Variants in SZT2 observed in about 807,000 individuals in gnomAD.
The protein encoded by SZT2 is KICSTOR complex protein SZT2.
In SZT2, 216 loss-of-function variants were observed where a neutral mutation model predicts 404.2. The ratio of observed to expected loss-of-function variants is 0.53; its 90% CI spans 0.48 to 0.60. SZT2 has a LOEUF of 0.60. Among genes scored for constraint, SZT2 ranks in the 20% least tolerant of loss-of-function variants. The probability of loss-of-function intolerance (pLI) is 0.00; values close to 1 mark genes in which losing one functional copy is unlikely to be tolerated. For missense variants in SZT2, 3,857 were observed against 4,459.2 expected (o/e 0.86, Z 3.85); for synonymous variants, 1,693 against 1,749.9 (o/e 0.97, Z 0.81).
intron 46 of SZT2, chr1:43,438,268 G>A (rs1654677709): frequency 2.8e-6 from 1 of 352,398 alleles, no homozygotes; most frequent in South Asian, 2.7e-5. Flanking sequence ...TGGTGCCACC[G>A]ACCTGATACC....
intron 62 of SZT2, among the ~76,000 whole-genome samples, chr1:43,444,130 T>C (rs1359773685): frequency 6.6e-6 from 1 of 152,230 alleles, no homozygotes; most frequent in African/African-American, 2.4e-5. Flanking sequence ...GGAATCTCAC[T>C]GTGTCGCCTA....
At chr1:43,407,143 A>G (rs1650411107) in intron 4 of SZT2, among the ~76,000 whole-genome samples, 1 of 152,184 alleles carries the variant, frequency 6.6e-6, no homozygotes, top group South Asian at 2.1e-4. Flanking sequence ...AGAGGATTTC[A>G]TCAGTTAAGC....
At chr1:43,419,362 T>G (rs141055132) in intron 7 of SZT2, among the ~76,000 whole-genome samples, 10 of 152,352 alleles carry the variant, frequency 6.6e-5, no homozygotes, top group East Asian at 1.9e-4. Flanking sequence ...ACCTACTGCA[T>G]TTTAACAAAA....
chr1:43,434,277 T>G, intron 40 of SZT2, 109 bp from the exon 41 acceptor site: 1 of 951,036 alleles, frequency 1.1e-6, no homozygotes. Context: ...TCCATGACTT[T>G]CTCTCCCCCT....
rs75523838 is a variant in SZT2, at chr1:43,423,053, C to T, written c.2038-46C>T. 9,333 of 1,541,036 alleles carry T rather than the reference C, an allele frequency of 6.1e-3. 352 individuals are homozygous for T. The East Asian group carries it at 0.098, about 16-fold the overall frequency. On this transcript the variant is annotated intron_variant, in intron 14 of 71. Transcript: ENST00000634258. ...TGTCTGTGAGCCCCTTCTCCCAGAC[C>T]TGTAGGAGATGGGAGTAAGAGGATG... is the stretch of plus-strand genomic sequence containing the variant.
chr1:43,425,669 A>G lies in SZT2; in HGVS notation c.2814+27A>G, dbSNP rs371872738. On this transcript the variant is annotated intron_variant, in intron 19 of 71. Coordinates refer to ENST00000634258, the MANE Select transcript of SZT2 (RefSeq NM_001365999.1). The surrounding 1 kb of genome is among the most constrained non-coding windows in gnomAD (Gnocchi z 4.3). ...TGAGTGTCCTCAGAACAGTACCCGCACCTCTCTCACTGGATTGGGGTGCCA... is the reference window on the plus strand; with the variant it reads ...TGAGTGTCCTCAGAACAGTACCCGCGCCTCTCTCACTGGATTGGGGTGCCA... The G allele has an allele frequency of 3.7e-6, 6 of 1,610,944 alleles. No individual in the cohort carries two copies. The highest frequency in any genetic ancestry group is 3.3e-5 in the Admixed American group (2 of 59,904).
chr1:43,436,444 G>C (rs1244036252), intron 42 of SZT2: 1 of 152,218 alleles, frequency 6.6e-6, no homozygotes, highest in Non-Finnish European at 1.5e-5. Context: ...TCAGAACCCA[G>C]ACACAGCCCT....
At chr1:43,429,586 G>T (rs1653605753) in intron 28 of SZT2, 117 bp from the exon 29 acceptor site, 2 of 1,311,738 alleles carry the variant, frequency 1.5e-6, no homozygotes, top group African/African-American at 2.9e-5. Context: ...ATGCCATTAC[G>T]CTAAGTACTC....
At chr1:43,416,178 C>T (rs1161521597) in intron 6 of SZT2, 77 bp downstream of exon 6, 3 of 1,531,812 alleles carry the variant, frequency 2.0e-6, no homozygotes, top group Non-Finnish European at 2.6e-6. Context: ...ACAAAGATAG[C>T]AGTTCCAGGG....
rs942996049 is a variant in SZT2 at position 43,441,799 on chromosome 1, C to A, written c.7723C>A (p.Arg2575Ser). ...VTSMAGDTSV[R>S]IFEQHLGSEP... Reference sequence around the variant, plus strand: ...CTCAATGGCTGGAGACACCAGTGTCCGCATCTTTGAGCAGCATTTGTGAGT... The same window carrying A: ...CTCAATGGCTGGAGACACCAGTGTCAGCATCTTTGAGCAGCATTTGTGAGT... Residue 2575 changes from arginine to serine, a missense_variant, in exon 55 of 72, where the codon CGC becomes AGC. Arg to Ser is a moderately radical substitution (Grantham distance 110, BLOSUM62 -1). Transcript: ENST00000634258. The surrounding 1 kb of genome is among the most constrained non-coding windows in gnomAD (Gnocchi z 4.8). 1.2e-6 allele frequency: 2 copies of A among 1,614,018 alleles called. No homozygotes were observed. Among genetic ancestry groups the A allele is most frequent in the Non-Finnish European group, 1.7e-6 (2 of 1,180,034 alleles).
intron 4 of SZT2, among the ~76,000 whole-genome samples, chr1:43,411,527 T>C (rs1432774779): frequency 2.0e-5 from 3 of 152,118 alleles, no homozygotes; most frequent in Non-Finnish European, 4.4e-5. Context: ...CTGAACACCC[T>C]CCTCCCTGGG....
chr1:43,399,449 C>T (rs1355650701), intron 1 of SZT2, among the ~76,000 whole-genome samples: 2 of 151,052 alleles, frequency 1.3e-5, no homozygotes, highest in Non-Finnish European at 2.9e-5. Context: ...TTCTAAATCA[C>T]ACAGTAGCCA....
chr1:43,425,901 CAG>C lies in SZT2; in HGVS notation c.2884_2885del (p.Ser962GlnfsTer14). On this transcript the variant is annotated frameshift_variant, in exon 20 of 72. Coordinates refer to ENST00000634258, the MANE Select transcript of SZT2 (RefSeq NM_001365999.1). LOFTEE classifies it high-confidence loss of function. This position sits in a 1 kb window ranked among gnomAD's most constrained non-coding sequence, Gnocchi z 4.3. Reference sequence around the variant, plus strand: ...CTTTGAATACCTGATACAGCTGTGTCAGAGCAAGGAATGGGGTCCTCTGCCCC... The same window carrying C: ...CTTTGAATACCTGATACAGCTGTGTCAGCAAGGAATGGGGTCCTCTGCCCC... Reference protein sequence around the residue: ...LSFEYLIQLCQSKEWGPLPPE... With the variant: ...LSFEYLIQLCXSKEWGPLPPE... 6.2e-7 allele frequency: 1 copy of C among 1,614,130 alleles called. No homozygotes were observed. Among genetic ancestry groups the C allele is most frequent in the Non-Finnish European group, 8.5e-7 (1 of 1,180,010 alleles).
Position 43,426,249 on chromosome 1 carries a change from T to G in SZT2, c.3043+98T>G. ...ACAGATGGGTCAGCAAGTGAGCAGA[T>G]GAGTGGTGGGGGCAGGAGGAGCCCA... On this transcript the variant is annotated intron_variant, in intron 21 of 71. Coordinates refer to ENST00000634258, the MANE Select transcript of SZT2 (RefSeq NM_001365999.1). The surrounding 1 kb of genome is among the most constrained non-coding windows in gnomAD (Gnocchi z 4.9). The G allele has an allele frequency of 1.3e-6, 2 of 1,502,988 alleles. No homozygotes were observed. The highest frequency in any genetic ancestry group is 4.9e-5 in the East Asian group (2 of 41,026). The allele number at this position is 1,502,988 out of a possible 1,614,324, so 93.1% of individuals were successfully genotyped here. A position where few individuals can be genotyped will look rare whatever the true frequency, so the allele number is the denominator to read the frequency against.
In SZT2 at chr1:43,443,540, A is replaced by G; in HGVS notation, c.8626-57A>G. On this transcript the variant is annotated intron_variant, in intron 61 of 71. Transcript: ENST00000634258. ...TACCCCACAGTGACCCCCCTCCTCC[A>G]TCCCCAGCAGGATGGTTGACAGTGG... is the stretch of plus-strand genomic sequence containing the variant. The G allele has an allele frequency of 1.9e-6, 3 of 1,611,248 alleles. No homozygotes were observed. In the South Asian group the frequency reaches 3.3e-5, roughly 18 times the overall value.
rs200409648 is a variant in SZT2 at position 43,433,062 on chromosome 1, A to G, written c.5676A>G (p.Thr1892=). 6 of 1,614,088 alleles carry G rather than the reference A, an allele frequency of 3.7e-6. No homozygotes were observed. The highest frequency in any genetic ancestry group is 2.2e-5 in the East Asian group (1 of 44,870). ...CCCTTGGTGAGAAGGCCCCCTTCAC[A>G]TTGCGGACTCCACCTGGGCCAGCAC... The part of the protein sequence containing the change: ...NDTLGEKAPF[T]LRTPPGPAPP... Residue 1892 remains threonine (T), a synonymous_variant, in exon 40 of 72, where the codon ACA becomes ACG. Transcript: ENST00000634258.
Position 43,447,626 on chromosome 1 carries a change from T to C in SZT2, c.9368T>C (p.Met3123Thr). Residue 3123 changes from methionine to threonine, a missense_variant, in exon 67 of 72, where the codon ATG becomes ACG. By Grantham distance (81) the Met-to-Thr change is moderately conservative (BLOSUM62 -1). Coordinates refer to ENST00000634258, the MANE Select transcript of SZT2 (RefSeq NM_001365999.1). ...YVADHASSYH[M>T]KPLRMARPGG... ...GCTGATCACGCCAGCTCTTACCACA[T>C]GAAGCCATTGCGAATGGCCCGGCCA... 1 of 1,614,202 alleles carries C rather than the reference T, an allele frequency of 6.2e-7. No individual in the cohort carries two copies. The highest frequency in any genetic ancestry group is 8.5e-7 in the Non-Finnish European group (1 of 1,180,030).
In SZT2 at chr1:43,426,265, G is replaced by C; in HGVS notation, c.3044-103G>C. 6.7e-7 allele frequency: 1 copy of C among 1,492,372 alleles called. No individual in the cohort carries two copies. The highest frequency in any genetic ancestry group is 9.0e-7 in the Non-Finnish European group (1 of 1,110,166). 92.4% of individuals were successfully genotyped at this position (1,492,372 alleles called of 1,614,324 possible). ...GTGAGCAGATGAGTGGTGGGGGCAG[G>C]AGGAGCCCATGAGGCTGAAGGAGGG... On this transcript the variant is annotated intron_variant, in intron 21 of 71. Transcript: ENST00000634258. The surrounding 1 kb of genome is among the most constrained non-coding windows in gnomAD (Gnocchi z 4.9).
chr1:43,415,011 A>G, intron 4 of SZT2, 71 bp from the exon 5 acceptor site: 1 of 1,543,620 alleles, frequency 6.5e-7, no homozygotes, highest in Non-Finnish European at 8.7e-7. Context: ...ATGGAGAATA[A>G]ACAGAGCAGA....
Sources: gnomAD v4.1 joint callset for allele counts (sites outside exome capture counted in the v4.1 genomes callset) on GRCh38, gnomAD v4.1.1 for gene constraint, Gnocchi (gnomAD v3.1) non-coding constraint, MANE v1.5 for transcripts, NCBI Gene and HGNC (gene_info 2026-07-23, HGNC 2026-07-21) for gene names.